GSE1: variants seen among roughly 807,000 people sequenced by gnomAD.
GSE1 encodes the protein genetic suppressor element 1.
Under a neutral mutation model 112.6 loss-of-function variants are expected in GSE1, and 32 were observed. The ratio of observed to expected loss-of-function variants is 0.28; its 90% CI spans 0.21 to 0.38. GSE1 has a LOEUF of 0.38. Among genes scored for constraint, GSE1 ranks in the 10% least tolerant of loss-of-function variants. GSE1 has a pLI of 1.00. For synonymous variants in GSE1, 1,115 were observed against 735.6 expected (o/e 1.52, Z -8.35); for missense variants, 2,348 against 1,699.2 (o/e 1.38, Z -6.71).
intron 1 of GSE1, among the ~76,000 whole-genome samples, chr16:85,596,839 C>A (rs1479307112): frequency 6.6e-6 from 1 of 152,114 alleles, no homozygotes; most frequent in Non-Finnish European, 1.5e-5. Flanking sequence ...ACTTCGAGAT[C>A]AGCCTGGCCA....
chr16:85,524,216 C>G (rs1467034987), intron 2 of GSE1, among the ~76,000 whole-genome samples: 1 of 152,158 alleles, frequency 6.6e-6, no homozygotes, highest in African/African-American at 2.4e-5. Context: ...GGCCAGGTCT[C>G]TGCCCTTTGG....
intron 2 of GSE1, among the ~76,000 whole-genome samples, chr16:85,643,687 C>T (rs1403660023): frequency 6.6e-6 from 1 of 152,202 alleles, no homozygotes; most frequent in Admixed American, 6.5e-5. Context: ...CTATAAGGTT[C>T]TCCCCATTTG....
At chr16:85,172,513 G>T (rs2074377773) in intron 1 of GSE1, among the ~76,000 whole-genome samples, 1 of 152,214 alleles carries the variant, frequency 6.6e-6, no homozygotes, top group South Asian at 2.1e-4. Flanking sequence ...CTGCCCGCCC[G>T]CGAGGAGCCA....
chr16:85,357,744 C>T (rs1400215644), intron 2 of GSE1: 1 of 701,038 alleles, frequency 1.4e-6, no homozygotes, highest in Non-Finnish European at 2.1e-6. Context: ...ACAGTTCCGC[C>T]TTGTGTCCTC....
intron 1 of GSE1, among the ~76,000 whole-genome samples, chr16:85,335,023 G>A (rs2046453125): frequency 6.6e-6 from 1 of 152,184 alleles, no homozygotes; most frequent in Non-Finnish European, 1.5e-5. Flanking sequence ...CCTTCCTTCA[G>A]CTCGGATGCT....
chr16:85,658,173 C>T (rs1046820548), intron 8 of GSE1, among the ~76,000 whole-genome samples: 7 of 152,208 alleles, frequency 4.6e-5, no homozygotes, highest in African/African-American at 1.7e-4. Flanking sequence ...GGCCCCAGTG[C>T]CCCCAGTCCT....
rs1370377009 is a variant in GSE1, at chr16:85,675,535, A to C, written c.*2996A>C. ...TAACATTCTGATAGGTTGCACCCTT[A>C]AGAGTATTCAGAGAGCATCAAAAGG... is the stretch of plus-strand genomic sequence containing the variant. On this transcript the variant is annotated 3_prime_UTR_variant, in exon 16 of 16. Transcript: ENST00000253458. 1.3e-5 allele frequency: 2 copies of C among 152,246 alleles called. No homozygotes were observed. Among genetic ancestry groups the C allele is most frequent in the African/African-American group, 4.8e-5 (2 of 41,466 alleles). 9.4% of individuals were successfully genotyped at this position (152,246 alleles called of 1,614,324 possible). A position where few individuals can be genotyped will look rare whatever the true frequency, so the allele number is the denominator to read the frequency against.
chr16:85,251,466 C>A (rs925964939), intron 1 of GSE1, among the ~76,000 whole-genome samples: 4 of 152,248 alleles, frequency 2.6e-5, no homozygotes, highest in Non-Finnish European at 4.4e-5. Flanking sequence ...TTTCCCTGGG[C>A]TCAGCAGGAA....
At chr16:85,434,762 A>C (rs1336474910) in intron 2 of GSE1, among the ~76,000 whole-genome samples, 2 of 152,232 alleles carry the variant, frequency 1.3e-5, no homozygotes, top group Non-Finnish European at 2.9e-5. Context: ...AGGTTGCAGT[A>C]GCCAAGATCG....
intron 1 of GSE1, among the ~76,000 whole-genome samples, chr16:85,558,391 G>C (rs2045341137): frequency 6.6e-6 from 1 of 152,182 alleles, no homozygotes; most frequent in Admixed American, 6.5e-5. Flanking sequence ...TCAAAGCACA[G>C]GTGTTTGTAA....
intron 2 of GSE1, among the ~76,000 whole-genome samples, chr16:85,527,087 G>A (rs971330928): frequency 6.6e-6 from 1 of 152,188 alleles, no homozygotes. Flanking sequence ...GGATGATCCC[G>A]ATGAGGCCGT....
intron 1 of GSE1, among the ~76,000 whole-genome samples, chr16:85,190,651 C>T (rs776959031): frequency 6.6e-6 from 1 of 152,292 alleles, no homozygotes; most frequent in Non-Finnish European, 1.5e-5. Flanking sequence ...TTGCCTCCAA[C>T]TTAGCCTGTC....
chr16:85,294,699 C>A (rs1389620440), intron 1 of GSE1, among the ~76,000 whole-genome samples: 1 of 146,552 alleles, frequency 6.8e-6, no homozygotes, highest in Non-Finnish European at 1.5e-5. Flanking sequence ...CCCCACCCCC[C>A]ACCAAAACCC....
chr16:85,667,225 C>G (rs1284054306), intron 13 of GSE1, among the ~76,000 whole-genome samples: 1 of 152,266 alleles, frequency 6.6e-6, no homozygotes, highest in African/African-American at 2.4e-5. Flanking sequence ...CCCTAGGACA[C>G]TTTCTGCCTT....
intron 2 of GSE1, among the ~76,000 whole-genome samples, chr16:85,544,781 G>A (rs564765168): frequency 1.3e-5 from 2 of 152,230 alleles, no homozygotes; most frequent in African/African-American, 4.8e-5. Flanking sequence ...AGGGCTGTTC[G>A]CAATGCCTGT....
chr16:85,232,531 G>A (rs771571657), intron 1 of GSE1, among the ~76,000 whole-genome samples: 22 of 152,162 alleles, frequency 1.4e-4, no homozygotes, highest in Non-Finnish European at 2.5e-4. Flanking sequence ...GGTCTCGGGA[G>A]CAAAATGGAT....
chr16:85,219,674 C>T (rs886882827), intron 1 of GSE1, among the ~76,000 whole-genome samples: 4 of 152,228 alleles, frequency 2.6e-5, no homozygotes, highest in African/African-American at 4.8e-5. Flanking sequence ...CCTCTGCCTC[C>T]GTGCACCTGA....
At chr16:85,334,467 C>G (rs1365108666) in intron 1 of GSE1, among the ~76,000 whole-genome samples, 1 of 152,250 alleles carries the variant, frequency 6.6e-6, no homozygotes, top group Non-Finnish European at 1.5e-5. Context: ...ATGAGCTCTC[C>G]TCTCCCGGCA....
At chr16:85,598,933 G>A (rs2047350152) in intron 1 of GSE1, among the ~76,000 whole-genome samples, 3 of 152,166 alleles carry the variant, frequency 2.0e-5, no homozygotes, top group Non-Finnish European at 2.9e-5. Context: ...GCAGTGGTTG[G>A]CACAAGAAAC....
Sources: allele counts gnomAD v4.1 joint callset (sites outside exome capture counted in the v4.1 genomes callset), GRCh38; gene constraint gnomAD v4.1.1; transcripts MANE v1.5; gene names NCBI Gene and HGNC (gene_info 2026-07-23, HGNC 2026-07-21).